The following SYNE2 variants were observed in gnomAD, a reference collection of about 807,000 sequenced individuals.
The protein encoded by SYNE2 is spectrin repeat containing nuclear envelope protein 2.
In SYNE2, 431 loss-of-function variants were observed where a neutral mutation model predicts 856.3. The observed-to-expected ratio is 0.50, with a 90% CI of 0.47 to 0.55. SYNE2 has a LOEUF of 0.55. SYNE2 is among the 20% of genes least tolerant of loss of function. The probability of loss-of-function intolerance (pLI) is 0.00; values close to 1 mark genes in which losing one functional copy is unlikely to be tolerated. For missense variants in SYNE2, 8,129 were observed against 8,023.2 expected (o/e 1.01, Z -0.50); for synonymous variants, 2,923 against 2,872.3 (o/e 1.02, Z -0.56).
intron 35 of SYNE2, 136 bp downstream of exon 35, chr14:64,020,229 T>C (rs2096926488): frequency 1.5e-6 from 1 of 669,930 alleles, no homozygotes; most frequent in Non-Finnish European, 2.6e-6. Context: ...AAAGATTCTC[T>C]ATAACAGGGG....
intron 54 of SYNE2, among the ~76,000 whole-genome samples, chr14:64,077,491 TA>T (rs1403154624): frequency 2.0e-5 from 3 of 152,160 alleles, no homozygotes; most frequent in African/African-American, 7.2e-5. Flanking sequence ...GGACTCAATC[TA>T]GGGACTTGGG....
intron 2 of SYNE2, among the ~76,000 whole-genome samples, chr14:63,917,004 C>G (rs2095541341): frequency 6.6e-6 from 1 of 152,014 alleles, no homozygotes; most frequent in Non-Finnish European, 1.5e-5. Flanking sequence ...GTGGGAGGAC[C>G]TCTTGAGCCC....
intron 6 of SYNE2, among the ~76,000 whole-genome samples, chr14:63,946,504 C>CATATAT (rs979222799): frequency 5.2e-5 from 4 of 76,648 alleles, no homozygotes; most frequent in Admixed American, 1.6e-4. Flanking sequence ...TACTGGAGAT[C>CATATAT]ATATATATGT....
chr14:63,984,080 A>G (rs1825769726), intron 18 of SYNE2, among the ~76,000 whole-genome samples, 194 bp downstream of exon 18: 1 of 152,160 alleles, frequency 6.6e-6, no homozygotes, highest in South Asian at 2.1e-4. Flanking sequence ...TGTCTATACC[A>G]AAAATACGAA....
At chr14:64,148,847 A>G (rs2098212950) in intron 84 of SYNE2, among the ~76,000 whole-genome samples, 1 of 152,154 alleles carries the variant, frequency 6.6e-6, no homozygotes, top group Admixed American at 6.6e-5. Flanking sequence ...GGGATTCTCA[A>G]GGCAGGCTGG....
rs1555337807 is a variant in SYNE2 at position 63,781,668 on chromosome 14, C to CTTTCTA, written c.-305+19683_-305+19684insTTCTAT. 9.2e-4 allele frequency among the ~76,000 whole-genome samples: 138 copies of CTTTCTA among 149,694 alleles called. 1 individual carries two copies. Among genetic ancestry groups the CTTTCTA allele is most frequent in the African/African-American group, 3.2e-3 (130 of 41,030 alleles). ...GATGGACCTTAGGCCTTCTCTCTCT[C>CTTTCTA]TATATATATATAAAGTTATATTTAT... On this transcript the variant is annotated intron_variant, in intron 1 of 23. Transcript: ENST00000674003.
chr14:64,101,573 G>T (rs768812786), intron 63 of SYNE2, among the ~76,000 whole-genome samples: 1 of 152,122 alleles, frequency 6.6e-6, no homozygotes, highest in African/African-American at 2.4e-5. Context: ...CTCCCAAAGG[G>T]CTGGGTTTAT....
At chr14:64,155,786 G>C (rs1302848762) in intron 85 of SYNE2, among the ~76,000 whole-genome samples, 1 of 152,182 alleles carries the variant, frequency 6.6e-6, no homozygotes, top group Admixed American at 6.5e-5. Flanking sequence ...AAGTTAGCCG[G>C]ATGTGGTGGC....
At chr14:64,032,984 A>G (rs1338464781) in intron 45 of SYNE2, among the ~76,000 whole-genome samples, 1 of 152,044 alleles carries the variant, frequency 6.6e-6, no homozygotes, top group Non-Finnish European at 1.5e-5. Flanking sequence ...TCTGGGCAAC[A>G]TAGGGAGATT....
intron 57 of SYNE2, chr14:64,084,864 C>T (rs775758193): frequency 2.9e-6 from 2 of 680,878 alleles, no homozygotes; most frequent in South Asian, 1.5e-5. Flanking sequence ...AGGCTGCAGG[C>T]TCATCTGAAG....
chr14:64,104,307 A>C (rs1373004594), intron 64 of SYNE2, among the ~76,000 whole-genome samples: 3 of 151,864 alleles, frequency 2.0e-5, no homozygotes, highest in Non-Finnish European at 4.4e-5. Flanking sequence ...GTGTTCCTTT[A>C]ACTTTCTTAA....
At chr14:64,219,104 G>GTTTTTGTTTT (rs1555556018) in intron 109 of SYNE2, 104 bp from the exon 110 acceptor site, 1 of 337,396 alleles carries the variant, frequency 3.0e-6, no homozygotes, top group East Asian at 7.4e-5. Flanking sequence ...CAGTTTTTTT[G>GTTTTTGTTTT]TTTTTTTTTT....
chr14:64,020,314 A>G (rs1031026701), intron 35 of SYNE2, among the ~76,000 whole-genome samples: 1 of 152,188 alleles, frequency 6.6e-6, no homozygotes, highest in African/African-American at 2.4e-5. Flanking sequence ...TACACTAACA[A>G]TAGCAAAAAA....
intron 13 of SYNE2, 28 bp downstream of exon 13, chr14:63,978,045 C>A: frequency 7.1e-7 from 1 of 1,418,310 alleles, no homozygotes; most frequent in Non-Finnish European, 1.0e-6. Flanking sequence ...TTCACAGCTG[C>A]TGTCACTATT....
intron 52 of SYNE2, among the ~76,000 whole-genome samples, chr14:64,073,278 T>C (rs1367764282): frequency 6.6e-6 from 1 of 152,144 alleles, no homozygotes; most frequent in Non-Finnish European, 1.5e-5. Context: ...CTGAGGCTAC[T>C]CAGGATCCCA....
At chr14:63,834,120 AG>A (rs1307104463) in intron 1 of SYNE2, among the ~76,000 whole-genome samples, 13 of 152,318 alleles carry the variant, frequency 8.5e-5, no homozygotes, top group African/African-American at 2.9e-4. Flanking sequence ...CATATAGCAA[AG>A]AATATTTAAG....
chr14:63,867,759 A>C (rs920943515), intron 1 of SYNE2, among the ~76,000 whole-genome samples: 8 of 151,676 alleles, frequency 5.3e-5, no homozygotes, highest in East Asian at 1.9e-4. Context: ...GAAAGAAAGC[A>C]AGCCAGCCAG....
chr14:63,779,439 C>CAAAA lies in SYNE2; in HGVS notation c.-305+17467_-305+17470dup, dbSNP rs35015201. 1.0e-3 allele frequency among the ~76,000 whole-genome samples: 124 copies of CAAAA among 118,278 alleles called. 1 individual carries two copies. Among genetic ancestry groups the CAAAA allele is most frequent in the African/African-American group, 4.2e-3 (119 of 28,516 alleles). The allele number at this position is 118,278 out of a possible 152,430, so 77.6% of individuals were successfully genotyped here. On this transcript the variant is annotated intron_variant, in intron 1 of 23. Transcript: ENST00000674003. ...TCTCACTACTGCGCTTGACTGGTCT[C>CAAAA]AAAAAAAAAAAAAAAAAGCTAGAAA...
At chr14:63,953,146 T>A (rs1176035445) in intron 7 of SYNE2, among the ~76,000 whole-genome samples, 6 of 152,214 alleles carry the variant, frequency 3.9e-5, no homozygotes, top group Non-Finnish European at 7.3e-5. Flanking sequence ...AAAGCAGGAA[T>A]TATCATGAAG....
Sources: allele counts gnomAD v4.1 joint callset (sites outside exome capture counted in the v4.1 genomes callset), GRCh38; gene constraint gnomAD v4.1.1; transcripts MANE v1.5; gene names NCBI Gene and HGNC (gene_info 2026-07-23, HGNC 2026-07-21).